The following SMURF1 variants were observed in gnomAD, a reference collection of about 807,000 sequenced individuals.
SMURF1 encodes the protein E3 ubiquitin-protein ligase SMURF1.
In SMURF1, 44 loss-of-function variants were observed where a neutral mutation model predicts 98.0. That is an observed-to-expected ratio of 0.45 (90% CI 0.35 to 0.58). The LOEUF (loss-of-function observed/expected upper bound fraction) is 0.58. SMURF1 is among the 20% of genes least tolerant of loss of function. The pLI, the probability that SMURF1 is intolerant of heterozygous loss-of-function variation, is 0.00. For missense variants in SMURF1, 687 were observed against 938.4 expected (o/e 0.73, Z 3.50); for synonymous variants, 396 against 374.9 (o/e 1.06, Z -0.65).
chr7:99,058,798 G>A (rs1477051286), intron 3 of SMURF1, among the ~76,000 whole-genome samples: 2 of 152,164 alleles, frequency 1.3e-5, no homozygotes, highest in African/African-American at 4.8e-5. Flanking sequence ...ATAAAATAGT[G>A]GTCTTCACAG....
At chr7:99,129,557 A>AT (rs1797824756) in intron 1 of SMURF1, among the ~76,000 whole-genome samples, 1 of 147,510 alleles carries the variant, frequency 6.8e-6, no homozygotes, top group African/African-American at 2.7e-5. Flanking sequence ...TGCCCAGCTA[A>AT]TTTTTTTCTA....
chr7:99,053,158 T>G (rs1043616025), intron 6 of SMURF1, among the ~76,000 whole-genome samples: 1 of 152,244 alleles, frequency 6.6e-6, no homozygotes, highest in Non-Finnish European at 1.5e-5. Flanking sequence ...CTTTAGATAC[T>G]TTTTAAACAT....
At chr7:99,052,553 T>C in intron 6 of SMURF1, 107 bp from the exon 7 acceptor site, 4 of 1,241,328 alleles carry the variant, frequency 3.2e-6, no homozygotes, top group Non-Finnish European at 4.2e-6. Flanking sequence ...ATTGATTTGC[T>C]TTCCTTTAAC....
rs372037864 is a variant in SMURF1 at position 99,111,723 on chromosome 7, C to G, written c.55+32003G>C. On this transcript the variant is annotated intron_variant, in intron 1 of 17. Transcript: ENST00000361368. Reference sequence around the variant, plus strand: ...TGGTCCCATCCACTCCCCAGTTCAGCAGCAGCCTTGAAGGCAACAGCTAAC... The same window carrying G: ...TGGTCCCATCCACTCCCCAGTTCAGGAGCAGCCTTGAAGGCAACAGCTAAC... 1.4e-4 allele frequency among the ~76,000 whole-genome samples: 21 copies of G among 152,342 alleles called. No homozygotes were observed. In the East Asian group the frequency reaches 3.9e-3, roughly 28 times the overall value.
rs1796097338 is a variant in SMURF1 at position 99,063,263 on chromosome 7, ATATATAT to A, written c.56-1433_56-1427del. ...TATTTATATATATATATATATATAT[ATATATAT>A]ATATATATATATATATATATATATA... On this transcript the variant is annotated intron_variant, in intron 1 of 17. Transcript: ENST00000361368. 4.9e-4 allele frequency among the ~76,000 whole-genome samples: 4 copies of A among 8,226 alleles called. 1 individual carries two copies. The highest frequency in any genetic ancestry group is 1.2e-3 in the African/African-American group (4 of 3,358). The allele number at this position is 8,226 out of a possible 152,430, so 5.4% of individuals were successfully genotyped here.
chr7:99,054,785 C>T lies in SMURF1; in HGVS notation c.479+5G>A. ...CAGCCCGCCTCTTGCTGTGGTTATA[C>T]GTACCCTTCATTTTCTAACAGTCCT... On this transcript the variant is annotated splice_donor_5th_base_variant and intron_variant, in intron 6 of 17. Coordinates refer to ENST00000361368, the MANE Select transcript of SMURF1 (RefSeq NM_181349.3). 6.2e-7 allele frequency: 1 copy of T among 1,613,804 alleles called. No homozygotes were observed. Among genetic ancestry groups the T allele is most frequent in the Admixed American group, 1.7e-5 (1 of 59,988 alleles).
chr7:99,078,505 C>G (rs989817778), intron 1 of SMURF1, among the ~76,000 whole-genome samples: 1 of 152,158 alleles, frequency 6.6e-6, no homozygotes, highest in East Asian at 1.9e-4. Context: ...CCTCAACCCC[C>G]CCTCCCCTGC....
chr7:99,030,389 A>G lies in SMURF1; in HGVS notation c.*195T>C. The stretch of plus-strand genomic sequence containing the variant: ...GAAGTGGGTGGGAGTACTATGGTAA[A>G]GGAGGGATATATGGGTGGGAGCCAC... On this transcript the variant is annotated 3_prime_UTR_variant, in exon 18 of 18. Transcript: ENST00000361368. 1 of 582,818 alleles carries G rather than the reference A, an allele frequency of 1.7e-6. No homozygotes were observed. Among genetic ancestry groups the G allele is most frequent in the South Asian group, 2.0e-5 (1 of 50,168 alleles). 36.1% of individuals were successfully genotyped at this position (582,818 alleles called of 1,614,324 possible). A position where few individuals can be genotyped will look rare whatever the true frequency, so the allele number is the denominator to read the frequency against.
intron 1 of SMURF1, among the ~76,000 whole-genome samples, chr7:99,117,917 A>T (rs1206764628): frequency 6.6e-6 from 1 of 151,996 alleles, no homozygotes; most frequent in Admixed American, 6.5e-5. Context: ...TGTCTCTACT[A>T]AAAATACAAA....
rs755356194 is a variant in SMURF1, at chr7:99,045,808, A to G, written c.1153-7T>C. ...TTATCTGGCGGTAAGACTCCTGAAG[A>G]GCAACATCACAGTTTCAGAGAGAAG... On this transcript the variant is annotated splice_region_variant and splice_polypyrimidine_tract_variant and intron_variant, in intron 10 of 17. Transcript: ENST00000361368. The G allele has an allele frequency of 1.0e-5, 16 of 1,596,822 alleles. No individual in the cohort carries two copies. Among genetic ancestry groups the G allele is most frequent in the African/African-American group, 1.3e-5 (1 of 74,574 alleles).
chr7:99,057,747 A>G (rs771396450), intron 3 of SMURF1, among the ~76,000 whole-genome samples, 196 bp from the exon 4 acceptor site: 1 of 151,696 alleles, frequency 6.6e-6, no homozygotes, highest in Non-Finnish European at 1.5e-5. Context: ...ACAGGCGTGC[A>G]TCACCATGCC....
intron 3 of SMURF1, among the ~76,000 whole-genome samples, 180 bp from the exon 4 acceptor site, chr7:99,057,731 G>A (rs1795919394): frequency 6.6e-6 from 1 of 151,760 alleles, no homozygotes; most frequent in Admixed American, 6.6e-5. Flanking sequence ...CCGAGTAGCT[G>A]GGACTACAGG....
chr7:99,103,575 C>T (rs1797134880), intron 1 of SMURF1, among the ~76,000 whole-genome samples: 2 of 152,154 alleles, frequency 1.3e-5, no homozygotes, highest in African/African-American at 4.8e-5. Flanking sequence ...CATAACCAGA[C>T]TCTACAAACA....
chr7:99,138,712 CAAG>C (rs888175462), intron 1 of SMURF1, among the ~76,000 whole-genome samples: 4 of 149,770 alleles, frequency 2.7e-5, no homozygotes, highest in East Asian at 1.9e-4. Flanking sequence ...TTGGGTGGGC[CAAG>C]AAGATTAAAA....
At chr7:99,060,402 A>T (rs552636082) in intron 3 of SMURF1, among the ~76,000 whole-genome samples, 197 bp downstream of exon 3, 1 of 151,826 alleles carries the variant, frequency 6.6e-6, no homozygotes, top group African/African-American at 2.4e-5. Flanking sequence ...AAAAAAGAAA[A>T]AAGAAAGTAA....
At chr7:99,036,722 G>A (rs960466724) in intron 15 of SMURF1, among the ~76,000 whole-genome samples, 1 of 152,142 alleles carries the variant, frequency 6.6e-6, no homozygotes, top group African/African-American at 2.4e-5. Context: ...ATAAAAAGCA[G>A]TAAGATGCTC....
At chr7:99,136,636 G>C (rs1797998983) in intron 1 of SMURF1, among the ~76,000 whole-genome samples, 1 of 152,164 alleles carries the variant, frequency 6.6e-6, no homozygotes, top group South Asian at 2.1e-4. Flanking sequence ...TAATGGGAAT[G>C]TTTCCACAAT....
intron 1 of SMURF1, among the ~76,000 whole-genome samples, chr7:99,101,882 C>A (rs942081114): frequency 6.6e-6 from 1 of 150,388 alleles, no homozygotes; most frequent in Non-Finnish European, 1.5e-5. Flanking sequence ...TGCAGTGAGC[C>A]GAGATTGTGC....
intron 1 of SMURF1, among the ~76,000 whole-genome samples, chr7:99,108,611 CAAA>C (rs11458541): frequency 1.7e-4 from 10 of 58,582 alleles, no homozygotes; most frequent in Non-Finnish European, 2.1e-4. Flanking sequence ...AACTCTGTCT[CAAA>C]AAAAAAAAAA....
Sources: allele counts gnomAD v4.1 joint callset (sites outside exome capture counted in the v4.1 genomes callset), GRCh38; gene constraint gnomAD v4.1.1; transcripts MANE v1.5; gene names NCBI Gene and HGNC (gene_info 2026-07-23, HGNC 2026-07-21).